The following SEMA3E variants were observed in gnomAD, a reference collection of about 807,000 sequenced individuals.
The protein encoded by SEMA3E is semaphorin-3E.
Under a neutral mutation model 93.6 loss-of-function variants are expected in SEMA3E, and 49 were observed. The ratio of observed to expected loss-of-function variants is 0.52; its 90% confidence interval spans 0.42 to 0.66. SEMA3E has a LOEUF of 0.66. Among genes scored for constraint, SEMA3E ranks in the 30% least tolerant of loss-of-function variants. SEMA3E has a pLI of 0.00. For missense variants in SEMA3E, 906 were observed against 964.8 expected, an observed-to-expected ratio of 0.94 and a Z score of 0.81; for synonymous variants, 363 against 330.7, an observed-to-expected ratio of 1.10 and a Z score of -1.06.
In SEMA3E at chr7:83,639,110, CAAAAAAAAAAAAAAAAAA is replaced by C. The variant is rs1172097095; in HGVS notation, c.115+9300_115+9317del. 1.2e-3 allele frequency among the ~76,000 whole-genome samples: 33 copies of C among 27,464 alleles called. 1 individual carries two copies. The highest frequency in any genetic ancestry group is 9.5e-3 in the East Asian group (11 of 1,154). 18.0% of individuals were successfully genotyped at this position (27,464 alleles called of 152,430 possible). A position where few individuals can be genotyped will look rare whatever the true frequency, so the allele number is the denominator to read the frequency against. ...TGGGCGACAGAGCGAGACTCCGTCTCAAAAAAAAAAAAAAAAAAAAAAAAAAAAAACAGAGATTCCTGA... is the reference window on the plus strand; with the variant it reads ...TGGGCGACAGAGCGAGACTCCGTCTCAAAAAAAAAAAACAGAGATTCCTGA... On this transcript the variant is annotated intron_variant, in intron 1 of 16. Transcript: ENST00000643230.
At chr7:83,640,101 G>A (rs968982893) in intron 1 of SEMA3E, among the ~76,000 whole-genome samples, 3 of 152,050 alleles carry the variant, frequency 2.0e-5, no homozygotes, top group African/African-American at 7.2e-5. Flanking sequence ...AGTCAGGAGG[G>A]AAAGAGTCAG....
rs147481057 is a variant in SEMA3E at position 83,505,311 on chromosome 7, A to C, written c.116-15037T>G. On this transcript the variant is annotated intron_variant, in intron 1 of 16. Coordinates refer to ENST00000643230, the MANE Select transcript of SEMA3E (RefSeq NM_012431.3). ...AATAAATGAATAAAAATTAACACAG[A>C]GGATCAGACAATATAAAGATCAGAA... Among the ~76,000 whole-genome samples the C allele has an allele frequency of 2.8e-3, 419 of 152,296 alleles. 2 individuals are homozygous for C. Among genetic ancestry groups the C allele is most frequent in the African/African-American group, 8.3e-3 (347 of 41,568 alleles).
rs139462832 is a variant in SEMA3E at position 83,517,746 on chromosome 7, A to G, written c.116-27472T>C. On this transcript the variant is annotated intron_variant, in intron 1 of 16. Coordinates refer to ENST00000643230, the MANE Select transcript of SEMA3E (RefSeq NM_012431.3). ...TCAATGTGTATGGAAAAGTACCTCC[A>G]GAGATCAAACTTTAGGCATTAATCA... is the stretch of plus-strand genomic sequence containing the variant. Among the ~76,000 whole-genome samples the G allele has an allele frequency of 5.0e-4, 76 of 152,312 alleles. 2 individuals carry two copies. In the East Asian group the frequency reaches 0.014, roughly 27 times the overall value.
intron 1 of SEMA3E, among the ~76,000 whole-genome samples, chr7:83,503,598 C>T (rs550187377): frequency 2.0e-5 from 3 of 152,238 alleles, no homozygotes; most frequent in South Asian, 2.1e-4. Context: ...AGTGTACTTA[C>T]ACCAACCTAG....
intron 4 of SEMA3E, among the ~76,000 whole-genome samples, chr7:83,436,900 T>C (rs893814168): frequency 4.6e-5 from 7 of 152,158 alleles, no homozygotes; most frequent in Non-Finnish European, 1.0e-4. Flanking sequence ...ATAAAGAGGT[T>C]TAATTGCAAC....
chr7:83,535,577 A>T (rs1431637066), intron 1 of SEMA3E, among the ~76,000 whole-genome samples: 1 of 152,040 alleles, frequency 6.6e-6, no homozygotes. Context: ...CCTATCAATG[A>T]CCCTGAGAAT....
At chr7:83,542,296 G>T (rs891486066) in intron 1 of SEMA3E, among the ~76,000 whole-genome samples, 1 of 151,952 alleles carries the variant, frequency 6.6e-6, no homozygotes, top group Non-Finnish European at 1.5e-5. Context: ...AGAATTTGAG[G>T]TTACAGTGAG....
intron 2 of SEMA3E, among the ~76,000 whole-genome samples, chr7:83,476,136 GCA>G (rs2115920043): frequency 6.6e-6 from 1 of 152,252 alleles, no homozygotes; most frequent in South Asian, 2.1e-4. Flanking sequence ...AGTGTCTTAA[GCA>G]CAGTCTCTGC....
intron 4 of SEMA3E, among the ~76,000 whole-genome samples, chr7:83,456,197 G>C (rs1244797634): frequency 6.6e-6 from 1 of 152,182 alleles, no homozygotes; most frequent in Non-Finnish European, 1.5e-5. Flanking sequence ...CAAGGTCTTT[G>C]CCAATTCTCT....
intron 2 of SEMA3E, among the ~76,000 whole-genome samples, chr7:83,476,676 C>A (rs916735647): frequency 6.6e-6 from 1 of 152,128 alleles, no homozygotes; most frequent in African/African-American, 2.4e-5. Context: ...AAATGTTCTG[C>A]CAAGCTAGTA....
In SEMA3E at chr7:83,367,147, A is replaced by C. The variant is rs544250571; in HGVS notation, c.*439T>G. 5.1e-6 allele frequency: 1 copy of C among 194,598 alleles called. No individual in the cohort carries two copies. The highest frequency in any genetic ancestry group is 2.4e-5 in the African/African-American group (1 of 41,896). The allele number at this position is 194,598 out of a possible 1,614,324, so 12.1% of individuals were successfully genotyped here. A position where few individuals can be genotyped will look rare whatever the true frequency, so the allele number is the denominator to read the frequency against. On this transcript the variant is annotated 3_prime_UTR_variant, in exon 17 of 17. Coordinates refer to ENST00000643230, the MANE Select transcript of SEMA3E (RefSeq NM_012431.3). ...CAGAAAGTTCACATGAGAATGCCAA[A>C]GTATCTTGTATTCTGCATATCTTAC...
In SEMA3E at chr7:83,453,981, G is replaced by A. The variant is rs541739053; in HGVS notation, c.456+12501C>T. ...CTACTATTAAAGATAATTTTGGGCCGGGCGTGATGGTTCAAGCCTGTAATC... is the reference window on the plus strand; with the variant it reads ...CTACTATTAAAGATAATTTTGGGCCAGGCGTGATGGTTCAAGCCTGTAATC... On this transcript the variant is annotated intron_variant, in intron 4 of 16. Transcript: ENST00000643230. Among the ~76,000 whole-genome samples the A allele has an allele frequency of 8.6e-5, 13 of 151,576 alleles. No individual in the cohort carries two copies. The East Asian group carries it at 1.6e-3, about 18-fold the overall frequency.
At chr7:83,550,568 T>G (rs547511372) in intron 1 of SEMA3E, among the ~76,000 whole-genome samples, 1 of 152,292 alleles carries the variant, frequency 6.6e-6, no homozygotes, top group African/African-American at 2.4e-5. Flanking sequence ...GAGAAGCTAT[T>G]ATCTGACATT....
intron 1 of SEMA3E, among the ~76,000 whole-genome samples, chr7:83,527,751 T>G (rs1012590260): frequency 1.4e-5 from 2 of 143,502 alleles, no homozygotes; most frequent in East Asian, 4.2e-4. Context: ...TCATATATAT[T>G]GTCAATATTT....
At chr7:83,573,052 A>G (rs1792319309) in intron 1 of SEMA3E, among the ~76,000 whole-genome samples, 1 of 152,212 alleles carries the variant, frequency 6.6e-6, no homozygotes, top group Admixed American at 6.5e-5. Context: ...ATCAAACTAA[A>G]GAACTTCTGC....
At chr7:83,448,359 A>G (rs1021414424) in intron 4 of SEMA3E, among the ~76,000 whole-genome samples, 1 of 152,174 alleles carries the variant, frequency 6.6e-6, no homozygotes, top group Admixed American at 6.5e-5. Context: ...AAACAAAAAA[A>G]ATTCTGGCTG....
At chr7:83,423,551 T>A (rs931780684) in intron 4 of SEMA3E, among the ~76,000 whole-genome samples, 7 of 150,220 alleles carry the variant, frequency 4.7e-5, no homozygotes, top group African/African-American at 7.3e-5. Flanking sequence ...TCGCCCAGGC[T>A]GGAGTGCAGT....
chr7:83,496,941 C>T (rs915946714), intron 1 of SEMA3E, among the ~76,000 whole-genome samples: 1 of 152,116 alleles, frequency 6.6e-6, no homozygotes, highest in Non-Finnish European at 1.5e-5. Context: ...ATGAAGCAAG[C>T]TCATCTTGAG....
chr7:83,377,095 T>G (rs1204554454), intron 16 of SEMA3E, among the ~76,000 whole-genome samples: 2 of 151,996 alleles, frequency 1.3e-5, no homozygotes, highest in African/African-American at 4.8e-5. Context: ...TCAATCTCAT[T>G]TATTGTGTCT....
Sources: gnomAD v4.1 joint callset for allele counts (sites outside exome capture counted in the v4.1 genomes callset) on GRCh38, gnomAD v4.1.1 for gene constraint, MANE v1.5 for transcripts, NCBI Gene and HGNC (gene_info 2026-07-23, HGNC 2026-07-21) for gene names.